ZWILCH: variants seen among roughly 807,000 people sequenced by gnomAD.
The protein encoded by ZWILCH is protein zwilch homolog.
ZWILCH carries 74 observed loss-of-function variants against 79.9 expected under a neutral mutation model. That is an observed-to-expected ratio of 0.93 (90% CI 0.77 to 1.12). The LOEUF is 1.12. ZWILCH is among the 50% of genes most tolerant of loss of function. The pLI is 0.00. For synonymous variants in ZWILCH, 241 were observed against 228.2 expected (o/e 1.06, Z -0.51); for missense variants, 694 against 687.5 (o/e 1.01, Z -0.11).
At chr15:66,511,643 G>A (rs1193756752) in intron 2 of ZWILCH, among the ~76,000 whole-genome samples, 1 of 151,848 alleles carries the variant, frequency 6.6e-6, no homozygotes, top group Non-Finnish European at 1.5e-5. Context: ...ATTTGAGATG[G>A]AGTCACTCTG....
rs1260809215 is a variant in ZWILCH, at chr15:66,549,000, T to C, written c.*676T>C. The C allele has an allele frequency of 6.4e-6, 1 of 156,478 alleles. No individual in the cohort carries two copies. Among genetic ancestry groups the C allele is most frequent in the African/African-American group, 2.4e-5 (1 of 41,542 alleles). The allele number at this position is 156,478 out of a possible 1,614,324, so 9.7% of individuals were successfully genotyped here. A position where few individuals can be genotyped will look rare whatever the true frequency, so the allele number is the denominator to read the frequency against. ...CATTTCCAATCTTTCAAAATATTAT[T>C]GTGTATCTTAAGAAGTATAGGAACT... is the stretch of plus-strand genomic sequence containing the variant. On this transcript the variant is annotated 3_prime_UTR_variant, in exon 19 of 19. Transcript: ENST00000307897.
At chr15:66,527,778 C>A in intron 9 of ZWILCH, 79 bp from the exon 10 acceptor site, 1 of 1,255,614 alleles carries the variant, frequency 8.0e-7, no homozygotes, top group South Asian at 1.3e-5. Flanking sequence ...CCCCATTTAC[C>A]ATTTGAAAAT....
At chr15:66,531,548 C>T (rs543169737) in intron 12 of ZWILCH, among the ~76,000 whole-genome samples, 2 of 152,022 alleles carry the variant, frequency 1.3e-5, no homozygotes, top group African/African-American at 4.8e-5. Context: ...GCAGCCTCTG[C>T]CTCCCAGGCT....
intron 17 of ZWILCH, among the ~76,000 whole-genome samples, chr15:66,543,511 C>T (rs189538245): frequency 3.5e-4 from 54 of 152,232 alleles, no homozygotes; most frequent in East Asian, 3.5e-3. Flanking sequence ...CCTAGCACTT[C>T]GGGAGGCTAA....
At position 66,548,740 on chromosome 15, in the gene ZWILCH, C is replaced by A; in HGVS notation, c.*416C>A. On this transcript the variant is annotated 3_prime_UTR_variant, in exon 19 of 19. Coordinates refer to ENST00000307897, the MANE Select transcript of ZWILCH (RefSeq NM_017975.5). Reference sequence around the variant, plus strand: ...CCTCAAATTTTCTGATTCTTATTTGCCATGAAATAGAACTTAGTAAATTAA... The same window carrying A: ...CCTCAAATTTTCTGATTCTTATTTGACATGAAATAGAACTTAGTAAATTAA... The A allele has an allele frequency of 6.1e-6, 3 of 495,850 alleles. No individual in the cohort carries two copies. The highest frequency in any genetic ancestry group is 3.7e-5 in the South Asian group (1 of 27,320). The allele number at this position is 495,850 out of a possible 1,614,324, so 30.7% of individuals were successfully genotyped here.
rs1254402997 is a variant in ZWILCH at position 66,536,083 on chromosome 15, T to C, written c.1478+14T>C. The C allele has an allele frequency of 6.3e-7, 1 of 1,581,174 alleles. No homozygotes were observed. On this transcript the variant is annotated intron_variant, in intron 15 of 18. Transcript: ENST00000307897. The stretch of plus-strand genomic sequence containing the variant: ...TTCTTTAACACAGTAAGTACATCTG[T>C]ATTCTTCACTTATATAGAAATGTAT...
intron 7 of ZWILCH, among the ~76,000 whole-genome samples, chr15:66,522,823 G>A (rs1300840889): frequency 6.6e-6 from 1 of 151,802 alleles, no homozygotes; most frequent in African/African-American, 2.4e-5. Flanking sequence ...CAAGATTATG[G>A]ATAATTATAT....
At chr15:66,534,818 A>G (rs939134767) in intron 14 of ZWILCH, among the ~76,000 whole-genome samples, 12 of 152,070 alleles carry the variant, frequency 7.9e-5, no homozygotes, top group African/African-American at 2.7e-4. Context: ...ATTGTAGACT[A>G]TAAACACTGT....
chr15:66,508,199 G>A (rs1893900871), intron 1 of ZWILCH, among the ~76,000 whole-genome samples: 1 of 125,778 alleles, frequency 8.0e-6, no homozygotes, highest in Non-Finnish European at 1.7e-5. Context: ...GTGTATTTTG[G>A]TATGTTAATG....
intron 5 of ZWILCH, among the ~76,000 whole-genome samples, chr15:66,520,084 A>C (rs906904388): frequency 6.6e-6 from 1 of 152,048 alleles, no homozygotes; most frequent in Admixed American, 6.6e-5. Flanking sequence ...CTGGCATTAC[A>C]GGCAAGTGCT....
chr15:66,538,427 G>T (rs956308020), intron 16 of ZWILCH, among the ~76,000 whole-genome samples: 2 of 151,576 alleles, frequency 1.3e-5, no homozygotes, highest in African/African-American at 4.9e-5. Flanking sequence ...TTATTTCCCA[G>T]GCTGGAGTGC....
Position 66,548,703 on chromosome 15 carries a change from A to T in ZWILCH, c.*379A>T. ...AGCTTTAACTGTATTGGGAAAACTT[A>T]AAAAATAGCATCCTCAAATTTTCTG... On this transcript the variant is annotated 3_prime_UTR_variant, in exon 19 of 19. Transcript: ENST00000307897. The T allele has an allele frequency of 1.9e-6, 1 of 513,398 alleles. No individual in the cohort carries two copies. The highest frequency in any genetic ancestry group is 2.9e-5 in the East Asian group (1 of 33,938). The allele number at this position is 513,398 out of a possible 1,614,324, so 31.8% of individuals were successfully genotyped here.
At position 66,528,958 on chromosome 15, in the gene ZWILCH, G is replaced by A. The variant is rs1183094357; in HGVS notation, c.1075+1G>A. On this transcript the variant is annotated splice_donor_variant, in intron 11 of 18. Coordinates refer to ENST00000307897, the MANE Select transcript of ZWILCH (RefSeq NM_017975.5). LOFTEE classifies it high-confidence loss of function. ...CAACTGTGGTGCAAAATGAGCAGTAGTAGGTGTCCATCATGATTTAAATTT... is the reference window on the plus strand; with the variant it reads ...CAACTGTGGTGCAAAATGAGCAGTAATAGGTGTCCATCATGATTTAAATTT... 1 of 1,610,248 alleles carries A rather than the reference G, an allele frequency of 6.2e-7. No homozygotes were observed. Among genetic ancestry groups the A allele is most frequent in the Non-Finnish European group, 8.5e-7 (1 of 1,176,902 alleles).
chr15:66,548,211 A>T, intron 18 of ZWILCH, 140 bp from the exon 19 acceptor site: 1 of 239,122 alleles, frequency 4.2e-6, no homozygotes, highest in East Asian at 7.9e-5. Flanking sequence ...GTATACTATG[A>T]TGCCATTTTT....
At chr15:66,538,822 T>C (rs1895102996) in intron 16 of ZWILCH, among the ~76,000 whole-genome samples, 1 of 152,240 alleles carries the variant, frequency 6.6e-6, no homozygotes, top group Non-Finnish European at 1.5e-5. Context: ...AGAACAGTTC[T>C]CTTTTCAAGT....
rs772904672 is a variant in ZWILCH, at chr15:66,550,011, A to T, written c.*1687A>T. 25 of 1,473,550 alleles carry T rather than the reference A, an allele frequency of 1.7e-5. No homozygotes were observed. Among genetic ancestry groups the T allele is most frequent in the African/African-American group, 4.3e-5 (3 of 69,926 alleles). 91.3% of individuals were successfully genotyped at this position (1,473,550 alleles called of 1,614,324 possible). ...TGTATAATTATTTAGTTTAATTATTAAAGGAAAACATTGAAATATACTGAC... is the reference window on the plus strand; with the variant it reads ...TGTATAATTATTTAGTTTAATTATTTAAGGAAAACATTGAAATATACTGAC... On this transcript the variant is annotated 3_prime_UTR_variant, in exon 19 of 19. Coordinates refer to ENST00000307897, the MANE Select transcript of ZWILCH (RefSeq NM_017975.5).
chr15:66,529,718 C>A (rs1894803227), intron 12 of ZWILCH, 145 bp downstream of exon 12: 1 of 606,740 alleles, frequency 1.6e-6, no homozygotes, highest in Non-Finnish European at 2.9e-6. Flanking sequence ...CTTTACTTTT[C>A]TTGTGCCCCA....
rs1407450311 is a variant in ZWILCH, at chr15:66,505,335, CG to C, written c.-1del. Reference sequence around the variant, plus strand: ...TTCCGGTACCGCTCTCACATTGGGGCGGGATGTGGGAGCGGCTGAACTGCGC... The same window carrying C: ...TTCCGGTACCGCTCTCACATTGGGGCGGATGTGGGAGCGGCTGAACTGCGC... On this transcript the variant is annotated 5_prime_UTR_variant, in exon 1 of 19. Transcript: ENST00000307897. 1.9e-6 allele frequency: 3 copies of C among 1,613,548 alleles called. No individual in the cohort carries two copies. Among genetic ancestry groups the C allele is most frequent in the Non-Finnish European group, 2.5e-6 (3 of 1,179,974 alleles).
intron 3 of ZWILCH, 59 bp from the exon 4 acceptor site, chr15:66,515,467 G>A: frequency 9.8e-7 from 1 of 1,017,938 alleles, no homozygotes; most frequent in Non-Finnish European, 1.5e-6. Context: ...ATAGTAAAGA[G>A]TCAGCTGCTA....
Sources: allele counts gnomAD v4.1 joint callset (sites outside exome capture counted in the v4.1 genomes callset), GRCh38; gene constraint gnomAD v4.1.1; transcripts MANE v1.5; gene names NCBI Gene and HGNC (gene_info 2026-07-23, HGNC 2026-07-21).